Variants in ABHD15 observed in about 807,000 individuals in gnomAD.
ABHD15 encodes the protein protein ABHD15.
ABHD15 carries 34 observed loss-of-function variants against 34.4 expected under a neutral mutation model. That is an observed-to-expected ratio of 0.99 (90% CI 0.75 to 1.32). The LOEUF (loss-of-function observed/expected upper bound fraction) is 1.32. Ranked by LOEUF, ABHD15 falls within the 40% of genes most tolerant of loss-of-function variation. ABHD15 has a pLI of 0.00. For synonymous variants in ABHD15, 314 were observed against 299.2 expected (o/e 1.05, Z -0.51); for missense variants, 644 against 650.4 (o/e 0.99, Z 0.11).
At position 29,567,008 on chromosome 17, in the gene ABHD15, C is replaced by A; in HGVS notation, c.-42G>T. The A allele has an allele frequency of 7.9e-7, 1 of 1,267,022 alleles. No homozygotes were observed. Among genetic ancestry groups the A allele is most frequent in the South Asian group, 2.8e-5 (1 of 35,382 alleles). The allele number at this position is 1,267,022 out of a possible 1,614,324, so 78.5% of individuals were successfully genotyped here. A position where few individuals can be genotyped will look rare whatever the true frequency, so the allele number is the denominator to read the frequency against. On this transcript the variant is annotated 5_prime_UTR_variant, in exon 1 of 2. Coordinates refer to ENST00000307201, the MANE Select transcript of ABHD15 (RefSeq NM_198147.3). The surrounding 1 kb of genome is among the most constrained non-coding windows in gnomAD (Gnocchi z 6.6). ...CCCGGCGGGCAGCGGGCGGCGGGGC[C>A]GTCTACTCGGCGAGCTCCGCGCTTT... is the stretch of plus-strand genomic sequence containing the variant.
chr17:29,566,679 G>T lies in ABHD15; in HGVS notation c.288C>A (p.Gly96=). 1 of 1,595,264 alleles carries T rather than the reference G, an allele frequency of 6.3e-7. No individual in the cohort carries two copies. The highest frequency in any genetic ancestry group is 1.7e-5 in the Admixed American group (1 of 58,750). ...GGGGCCCGGAGAACCAGGAGCGCGGGCCGGCCTCCAGCGCCTCTGAGCGCC... is the reference window on the plus strand; with the variant it reads ...GGGGCCCGGAGAACCAGGAGCGCGGTCCGGCCTCCAGCGCCTCTGAGCGCC... ...ALRRSEALEA[G]PRSWFSGPHL... The change falls in exon 1 of 2, where the codon GGC becomes GGA. Residue 96 remains glycine (G), a synonymous_variant. Transcript: ENST00000307201.
chr17:29,563,142 T>C, intron 1 of ABHD15, 56 bp from the exon 2 acceptor site: 1 of 1,546,790 alleles, frequency 6.5e-7, no homozygotes. Flanking sequence ...AATGAGAACA[T>C]CAGGTGACAG....
chr17:29,566,502 GC>G lies in ABHD15; in HGVS notation c.464del (p.Gly155AlafsTer8). On this transcript the variant is annotated frameshift_variant, in exon 1 of 2. Coordinates refer to ENST00000307201, the MANE Select transcript of ABHD15 (RefSeq NM_198147.3). LOFTEE classifies it high-confidence loss of function. Reference sequence around the variant, plus strand: ...GGATCACCAGAAGCACCGCAGGAAGGCCCCCGGCGCTGGTGATCCGGCGGCC... The same window carrying G: ...GGATCACCAGAAGCACCGCAGGAAGGCCCCGGCGCTGGTGATCCGGCGGCC... ...VRGRRITSAG[G>X]LPAVLLVIPN... 1.2e-6 allele frequency: 2 copies of G among 1,611,308 alleles called. No individual in the cohort carries two copies.
chr17:29,565,319 G>A (rs1038328443), intron 1 of ABHD15, among the ~76,000 whole-genome samples: 1 of 150,946 alleles, frequency 6.6e-6, no homozygotes, highest in Admixed American at 6.6e-5. Context: ...GCGTGTGTGT[G>A]TATATATATA....
Position 29,566,278 on chromosome 17 carries a change from G to T in ABHD15, c.689C>A (p.Pro230Gln), listed in dbSNP as rs759926283. The change falls in exon 1 of 2, where the codon CCG becomes CAG. Residue 230 changes from proline to glutamine, a missense_variant. Coordinates refer to ENST00000307201, the MANE Select transcript of ABHD15 (RefSeq NM_198147.3). Reference sequence around the variant, plus strand: ...CGAGCCTTCGCTCACCGCGAACAGCGGCGCCGCCGGGTGTCGGAAGCGGAT... The same window carrying T: ...CGAGCCTTCGCTCACCGCGAACAGCTGCGCCGCCGGGTGTCGGAAGCGGAT... ...TYIRFRHPAAPLFAVSEGSGS... is the reference protein window; with the variant it reads ...TYIRFRHPAAQLFAVSEGSGS... The T allele has an allele frequency of 5.0e-6, 8 of 1,611,026 alleles. No homozygotes were observed. The highest frequency in any genetic ancestry group is 1.3e-5 in the African/African-American group (1 of 75,022).
intron 1 of ABHD15, among the ~76,000 whole-genome samples, chr17:29,564,460 T>C (rs1280182945): frequency 6.6e-6 from 1 of 152,170 alleles, no homozygotes; most frequent in East Asian, 1.9e-4. Context: ...CTTTGCTGTT[T>C]CTAGACCCCT....
At chr17:29,563,719 G>A (rs1217835030) in intron 1 of ABHD15, among the ~76,000 whole-genome samples, 1 of 151,986 alleles carries the variant, frequency 6.6e-6, no homozygotes, top group Admixed American at 6.6e-5. Flanking sequence ...AATAAGCTGG[G>A]CGTGGTGGCG....
chr17:29,564,645 G>C (rs1216682939), intron 1 of ABHD15, among the ~76,000 whole-genome samples: 1 of 152,168 alleles, frequency 6.6e-6, no homozygotes, highest in African/African-American at 2.4e-5. Flanking sequence ...CCTGAGTCTA[G>C]ACATTCAAGA....
intron 1 of ABHD15, among the ~76,000 whole-genome samples, chr17:29,564,984 G>T (rs2032679104): frequency 6.6e-6 from 1 of 152,092 alleles, no homozygotes; most frequent in African/African-American, 2.4e-5. Context: ...GCTGGGCACG[G>T]TGGCTCACAC....
In ABHD15 at chr17:29,566,178, C is replaced by G. The variant is rs1237055290; in HGVS notation, c.789G>C (p.Ser263=). The G allele has an allele frequency of 6.2e-7, 1 of 1,609,548 alleles. No individual in the cohort carries two copies. Among genetic ancestry groups the G allele is most frequent in the Non-Finnish European group, 8.5e-7 (1 of 1,177,784 alleles). The part of the protein sequence containing the change: ...SSYVTGAACI[S]PVLRCREWFE... ...ACCACTCTCGGCAGCGCAGCACGGGCGAGATGCAGGCGGCGCCTGTCACGT... is the reference window on the plus strand; with the variant it reads ...ACCACTCTCGGCAGCGCAGCACGGGGGAGATGCAGGCGGCGCCTGTCACGT... Residue 263 remains serine, a synonymous_variant, in exon 1 of 2, where the codon TCG becomes TCC. Coordinates refer to ENST00000307201, the MANE Select transcript of ABHD15 (RefSeq NM_198147.3).
Position 29,566,262 on chromosome 17 carries a change from G to A in ABHD15, c.705C>T (p.Ser235=). 6.2e-7 allele frequency: 1 copy of A among 1,610,712 alleles called. No individual in the cohort carries two copies. Among genetic ancestry groups the A allele is most frequent in the South Asian group, 1.1e-5 (1 of 90,924 alleles). The part of the protein sequence containing the change: ...RHPAAPLFAV[S]EGSGSALLLS... ...GGAGCAGCGCCGAGCCCGAGCCTTC[G>A]CTCACCGCGAACAGCGGCGCCGCCG... Residue 235 remains serine, a synonymous_variant, in exon 1 of 2, where the codon AGC becomes AGT. Coordinates refer to ENST00000307201, the MANE Select transcript of ABHD15 (RefSeq NM_198147.3).
Position 29,562,625 on chromosome 17 carries a change from C to T in ABHD15, c.1343G>A (p.Arg448Gln), listed in dbSNP as rs62070804. The T allele has an allele frequency of 0.017, 26,919 of 1,614,030 alleles. 286 individuals are homozygous for T. Among genetic ancestry groups the T allele is most frequent in the Middle Eastern group, 0.055 (336 of 6,062 alleles). Residue 448 changes from arginine to glutamine, a missense_variant, in exon 2 of 2, where the codon CGG becomes CAG. By Grantham distance (43) the Arg-to-Gln change is conservative. Coordinates refer to ENST00000307201, the MANE Select transcript of ABHD15 (RefSeq NM_198147.3). The part of the protein sequence containing the change: ...GRRRGGALQR[R>Q]EVSSSSNLEE... ...CAGGTTGGAAGAGGAAGAGACTTCCCGCCTCTGCAAGGCTCCCCCACGACG... is the reference window on the plus strand; with the variant it reads ...CAGGTTGGAAGAGGAAGAGACTTCCTGCCTCTGCAAGGCTCCCCCACGACG...
intron 1 of ABHD15, 102 bp from the exon 2 acceptor site, chr17:29,563,188 T>G: frequency 1.3e-5 from 17 of 1,336,616 alleles, no homozygotes; most frequent in Non-Finnish European, 1.7e-5. Context: ...AGGCCAGATC[T>G]GTCCACAGAG....
intron 1 of ABHD15, among the ~76,000 whole-genome samples, chr17:29,565,784 T>C (rs1353191177): frequency 6.6e-6 from 1 of 152,252 alleles, no homozygotes; most frequent in Non-Finnish European, 1.5e-5. Context: ...GTATCTCTGC[T>C]GTCGTGGGCC....
Position 29,562,536 on chromosome 17 carries a change from C to T in ABHD15, c.*25G>A. 1.3e-6 allele frequency: 2 copies of T among 1,597,550 alleles called. No individual in the cohort carries two copies. Among genetic ancestry groups the T allele is most frequent in the South Asian group, 2.2e-5 (2 of 89,520 alleles). Reference sequence around the variant, plus strand: ...CCCAGCTCTGTTTTTCTTTGCAGGACTTGGGGGTTCTCAGGCCAGGTCTTT... The same window carrying T: ...CCCAGCTCTGTTTTTCTTTGCAGGATTTGGGGGTTCTCAGGCCAGGTCTTT... On this transcript the variant is annotated 3_prime_UTR_variant, in exon 2 of 2. Coordinates refer to ENST00000307201, the MANE Select transcript of ABHD15 (RefSeq NM_198147.3).
rs1375972111 is a variant in ABHD15 at position 29,562,824 on chromosome 17, A to T, written c.1144T>A (p.Phe382Ile). Reference sequence around the variant, plus strand: ...CCTCCGTGGCGACTGAGCAGGAGGAAGAAGTAGGGGTTGCTGTGGAAGAGT... The same window carrying T: ...CCTCCGTGGCGACTGAGCAGGAGGATGAAGTAGGGGTTGCTGTGGAAGAGT... Reference protein sequence around the residue: ...TELFHSNPYFFLLLSRHGGHC... With the variant: ...TELFHSNPYFILLLSRHGGHC... The change falls in exon 2 of 2, where the codon TTC (phenylalanine) becomes ATC (isoleucine). Residue 382 changes from phenylalanine (F) to isoleucine (I), a missense_variant. Phe to Ile is a conservative substitution (Grantham distance 21). Transcript: ENST00000307201. 1 of 1,613,652 alleles carries T rather than the reference A, an allele frequency of 6.2e-7. No homozygotes were observed.
Position 29,566,472 on chromosome 17 carries a change from A to T in ABHD15, c.495T>A (p.Asn165Lys). ...CGTTGCGGGTGAGGCGACCCCACGC[A>T]TTGGGGATCACCAGAAGCACCGCAG... is the stretch of plus-strand genomic sequence containing the variant. ...GLPAVLLVIP[N>K]AWGRLTRNVL... The change falls in exon 1 of 2, where the codon AAT becomes AAA. Residue 165 changes from asparagine to lysine, a missense_variant. Coordinates refer to ENST00000307201, the MANE Select transcript of ABHD15 (RefSeq NM_198147.3). 6.2e-7 allele frequency: 1 copy of T among 1,612,170 alleles called. No homozygotes were observed. Among genetic ancestry groups the T allele is most frequent in the African/African-American group, 1.3e-5 (1 of 75,026 alleles).
rs1485577670 is a variant in ABHD15 at position 29,560,842 on chromosome 17, G to C, written c.*1719C>G. On this transcript the variant is annotated 3_prime_UTR_variant, in exon 2 of 2. Coordinates refer to ENST00000307201, the MANE Select transcript of ABHD15 (RefSeq NM_198147.3). Reference sequence around the variant, plus strand: ...GCTAATTTTTTGTATTTTTAGTAGAGATGAGGTTTCACTGTGTTAGCCAGG... The same window carrying C: ...GCTAATTTTTTGTATTTTTAGTAGACATGAGGTTTCACTGTGTTAGCCAGG... 6.6e-6 allele frequency: 1 copy of C among 152,106 alleles called. No homozygotes were observed. The highest frequency in any genetic ancestry group is 2.4e-5 in the African/African-American group (1 of 41,398). The allele number at this position is 152,106 out of a possible 1,614,324, so 9.4% of individuals were successfully genotyped here. A position where few individuals can be genotyped will look rare whatever the true frequency, so the allele number is the denominator to read the frequency against.
At chr17:29,565,857 A>G (rs2032698786) in intron 1 of ABHD15, among the ~76,000 whole-genome samples, 1 of 152,184 alleles carries the variant, frequency 6.6e-6, no homozygotes, top group Non-Finnish European at 1.5e-5. Flanking sequence ...CCGGGTTAGG[A>G]GTCCCTGCTC....
Sources: allele counts gnomAD v4.1 joint callset (sites outside exome capture counted in the v4.1 genomes callset), GRCh38; gene constraint gnomAD v4.1.1; non-coding constraint Gnocchi (gnomAD v3.1); transcripts MANE v1.5; gene names NCBI Gene and HGNC (gene_info 2026-07-23, HGNC 2026-07-21).